The following RIPK1 variants were observed in gnomAD, a reference collection of about 807,000 sequenced individuals.
RIPK1 encodes receptor interacting serine/threonine kinase 1.
RIPK1 carries 27 observed loss-of-function variants against 62.4 expected under a neutral mutation model. The ratio of observed to expected loss-of-function variants is 0.43; its 90% CI spans 0.32 to 0.60. The LOEUF is 0.60. RIPK1 is among the 20% of genes least tolerant of loss of function. The probability of loss-of-function intolerance (pLI) is 0.07; values close to 1 mark genes in which losing one functional copy is unlikely to be tolerated. For missense variants in RIPK1, 735 were observed against 831.0 expected, an observed-to-expected ratio of 0.88 and a Z score of 1.42; for synonymous variants, 287 against 303.2, an observed-to-expected ratio of 0.95 and a Z score of 0.55.
At position 3,105,978 on chromosome 6, in the gene RIPK1, T is replaced by G. The variant is rs750738935; in HGVS notation, c.1503T>G (p.His501Gln). ...RPIPSHMPSL[H>Q]NIPVPETNYL... Reference sequence around the variant, plus strand: ...TTCCAAGTCATATGCCTAGTCTGCATAATATCCCAGTGCCTGAGACCAACT... The same window carrying G: ...TTCCAAGTCATATGCCTAGTCTGCAGAATATCCCAGTGCCTGAGACCAACT... Residue 501 changes from histidine to glutamine, a missense_variant, in exon 9 of 11, where the codon CAT becomes CAG. Around this residue, in one of 2 missense-constraint regions of RIPK1, gnomAD observed 671 missense variants for 726.2 expected, o/e 0.92. Transcript: ENST00000259808. The surrounding 1 kb of genome is among the most constrained non-coding windows in gnomAD (Gnocchi z 4.5). The G allele has an allele frequency of 6.2e-7, 1 of 1,614,104 alleles. No homozygotes were observed. Among genetic ancestry groups the G allele is most frequent in the Non-Finnish European group, 8.5e-7 (1 of 1,179,974 alleles).
chr6:3,081,397 GTTAGAAACAT>G (rs1370748635), intron 4 of RIPK1, among the ~76,000 whole-genome samples: 4 of 152,100 alleles, frequency 2.6e-5, no homozygotes, highest in Non-Finnish European at 5.9e-5. Context: ...TTTTTCCTCT[GTTAGAAACAT>G]TTAGAAACAT....
intron 1 of RIPK1, among the ~76,000 whole-genome samples, chr6:3,069,276 T>C (rs1393048111): frequency 1.3e-5 from 2 of 152,192 alleles, no homozygotes; most frequent in Non-Finnish European, 2.9e-5. Context: ...CCGCAGCAGG[T>C]TCCAAAAACA....
intron 7 of RIPK1, among the ~76,000 whole-genome samples, chr6:3,101,224 G>A (rs1478858711): frequency 3.3e-5 from 5 of 152,192 alleles, no homozygotes; most frequent in Admixed American, 2.0e-4. Flanking sequence ...CTGCACTCTA[G>A]CCTGGAGGAC....
chr6:3,109,591 A>G (rs1380049879), intron 9 of RIPK1, among the ~76,000 whole-genome samples: 1 of 152,180 alleles, frequency 6.6e-6, no homozygotes, highest in Non-Finnish European at 1.5e-5. Flanking sequence ...TGTGTTGTTC[A>G]TCCACTTCTG....
At position 3,077,911 on chromosome 6, in the gene RIPK1, C is replaced by T; in HGVS notation, c.297C>T (p.Asn99=). ...SLVMEYMEKG[N]LMHVLKAEMS... is the part of the protein sequence containing the mutation. ...TGATGGAGTACATGGAGAAGGGCAACCTGATGCACGTGCTGAAAGCCGAGG... is the reference window on the plus strand; with the variant it reads ...TGATGGAGTACATGGAGAAGGGCAATCTGATGCACGTGCTGAAAGCCGAGG... Residue 99 remains asparagine (N), a synonymous_variant, in exon 3 of 11, where the codon AAC becomes AAT. Coordinates refer to ENST00000259808, the MANE Select transcript of RIPK1 (RefSeq NM_001354930.2). 1 of 1,614,132 alleles carries T rather than the reference C, an allele frequency of 6.2e-7. No individual in the cohort carries two copies. Among genetic ancestry groups the T allele is most frequent in the African/African-American group, 1.3e-5 (1 of 75,060 alleles).
rs763460921 is a variant in RIPK1, at chr6:3,110,831, T to C, written c.1605T>C (p.Asn535=). The part of the protein sequence containing the change: ...TDESIKYTIY[N]STGIQIGAYN... Reference sequence around the variant, plus strand: ...AATCTATAAAATATACCATATACAATAGTACTGGCATTCAGATTGGAGCCT... The same window carrying C: ...AATCTATAAAATATACCATATACAACAGTACTGGCATTCAGATTGGAGCCT... Residue 535 remains asparagine (N), a synonymous_variant, in exon 10 of 11, where the codon AAT becomes AAC. Transcript: ENST00000259808. 16 of 1,586,466 alleles carry C rather than the reference T, an allele frequency of 1.0e-5. No homozygotes were observed. Among genetic ancestry groups the C allele is most frequent in the East Asian group, 8.9e-5 (4 of 44,724 alleles).
At chr6:3,110,672 G>T in intron 9 of RIPK1, 131 bp from the exon 10 acceptor site, 1 of 521,976 alleles carries the variant, frequency 1.9e-6, no homozygotes, top group East Asian at 3.1e-5. Flanking sequence ...TTTGAAAGAA[G>T]AAAAGTTTAA....
In RIPK1 at chr6:3,072,896, T is replaced by G. The variant is rs1471117629; in HGVS notation, c.-60-3868T>G. Among the ~76,000 whole-genome samples, 1 of 146,034 alleles carries G rather than the reference T, an allele frequency of 6.8e-6. No homozygotes were observed. Among genetic ancestry groups the G allele is most frequent in the African/African-American group, 2.8e-5 (1 of 35,458 alleles). On this transcript the variant is annotated intron_variant, in intron 1 of 10. Transcript: ENST00000259808. The surrounding 1 kb of genome is among the most constrained non-coding windows in gnomAD (Gnocchi z 5.6). ...GGAGGCCTAAAATCAATGTTATCTT[T>G]TATGCCCTCTGTCTCCACCCGCTCC...
upstream of RIPK1, among the ~76,000 whole-genome samples, chr6:3,065,212 G>A (rs1444562638): frequency 1.5e-5 from 2 of 137,604 alleles, no homozygotes; most frequent in Non-Finnish European, 3.0e-5. Context: ...AGCTGAGATC[G>A]CGCCACTGCA....
Position 3,113,273 on chromosome 6 carries a change from C to T in RIPK1, c.1950C>T (p.Ala650=). 2 of 1,614,048 alleles carry T rather than the reference C, an allele frequency of 1.2e-6. No individual in the cohort carries two copies. Among genetic ancestry groups the T allele is most frequent in the East Asian group, 2.2e-5 (1 of 44,884 alleles). ...GIKGATVGKL[A]QALHQCSRID... ...AGGGAGCCACGGTGGGGAAGCTGGC[C>T]CAGGCGCTCCACCAGTGTTCCAGGA... Residue 650 remains alanine (A), a synonymous_variant, in exon 11 of 11, where the codon GCC becomes GCT. Coordinates refer to ENST00000259808, the MANE Select transcript of RIPK1 (RefSeq NM_001354930.2). This position sits in a 1 kb window ranked among gnomAD's most constrained non-coding sequence, Gnocchi z 5.0.
At chr6:3,111,810 A>T (rs1042421426) in intron 10 of RIPK1, among the ~76,000 whole-genome samples, 1 of 152,118 alleles carries the variant, frequency 6.6e-6, no homozygotes, top group African/African-American at 2.4e-5. Flanking sequence ...ATCTAATGAA[A>T]CCCAGGATCT....
At chr6:3,076,493 T>C (rs1343284041) in intron 1 of RIPK1, among the ~76,000 whole-genome samples, 1 of 151,308 alleles carries the variant, frequency 6.6e-6, no homozygotes, top group African/African-American at 2.4e-5. Context: ...CATAGTGAGA[T>C]CCCCCGGCCC....
At chr6:3,098,443 GC>G (rs1760426676) in intron 7 of RIPK1, among the ~76,000 whole-genome samples, 1 of 152,176 alleles carries the variant, frequency 6.6e-6, no homozygotes, top group Admixed American at 6.5e-5. Flanking sequence ...CTAAACATTG[GC>G]AAATATGGCA....
At chr6:3,099,939 C>T (rs1760508455) in intron 7 of RIPK1, among the ~76,000 whole-genome samples, 1 of 152,128 alleles carries the variant, frequency 6.6e-6, no homozygotes, top group African/African-American at 2.4e-5. Context: ...AAATTAGAAA[C>T]AACTCAAATG....
intron 2 of RIPK1, 115 bp downstream of exon 2, chr6:3,077,102 C>T: frequency 1.1e-6 from 1 of 935,028 alleles, no homozygotes; most frequent in Non-Finnish European, 1.6e-6. Context: ...AGGGAGCCTG[C>T]CAAGATGTCA....
At position 3,095,210 on chromosome 6, in the gene RIPK1, A is replaced by G. The variant is rs576941891; in HGVS notation, c.915+5553A>G. Among the ~76,000 whole-genome samples the G allele has an allele frequency of 3.9e-5, 6 of 152,370 alleles. No individual in the cohort carries two copies. In the South Asian group the frequency reaches 1.2e-3, roughly 32 times the overall value. ...TTAATTATTTTAAAATTTAGGTAAA[A>G]TGGACCAATGTCTTTAAAAAGTTCA... On this transcript the variant is annotated intron_variant, in intron 7 of 10. Coordinates refer to ENST00000259808, the MANE Select transcript of RIPK1 (RefSeq NM_001354930.2).
chr6:3,111,866 G>A (rs897619514), intron 10 of RIPK1, among the ~76,000 whole-genome samples: 1 of 152,238 alleles, frequency 6.6e-6, no homozygotes, highest in Non-Finnish European at 1.5e-5. Flanking sequence ...ATCTTGGGAA[G>A]TTCTTGGACT....
intron 1 of RIPK1, among the ~76,000 whole-genome samples, chr6:3,069,926 G>T (rs1214200102): frequency 6.6e-6 from 1 of 152,142 alleles, no homozygotes; most frequent in African/African-American, 2.4e-5. Context: ...CAGGAGAATG[G>T]CTTGAACCCA....
chr6:3,085,217 TGA>T (rs757755535), intron 5 of RIPK1, 40 bp from the exon 6 acceptor site: 4 of 1,611,482 alleles, frequency 2.5e-6, no homozygotes, highest in Non-Finnish European at 3.4e-6. Flanking sequence ...CCTTCCTGCC[TGA>T]GAGAGGAGCA....
Sources: gnomAD v4.1 joint callset for allele counts (sites outside exome capture counted in the v4.1 genomes callset) on GRCh38, gnomAD v4.1.1 for gene constraint, gnomAD v4.1.1 regional missense constraint, Gnocchi (gnomAD v3.1) non-coding constraint, MANE v1.5 for transcripts, NCBI Gene and HGNC (gene_info 2026-07-23, HGNC 2026-07-21) for gene names.